The following COL28A1 variants were observed in gnomAD, a reference collection of about 807,000 sequenced individuals.
COL28A1 encodes the protein collagen type XXVIII alpha 1 chain.
In COL28A1, 161 loss-of-function variants were observed where a neutral mutation model predicts 150.2. That is an observed-to-expected ratio of 1.07 (90% CI 0.94 to 1.22). The LOEUF is 1.22. Ranked by LOEUF, COL28A1 falls within the 50% of genes most tolerant of loss-of-function variation. COL28A1 has a pLI of 0.00. For synonymous variants in COL28A1, 552 were observed against 469.7 expected (o/e 1.18, Z -2.26); for missense variants, 1,617 against 1,388.3 (o/e 1.16, Z -2.62).
intron 27 of COL28A1, among the ~76,000 whole-genome samples, chr7:7,417,039 T>A (rs1421103163): frequency 6.6e-6 from 1 of 151,960 alleles, no homozygotes; most frequent in Non-Finnish European, 1.5e-5. Context: ...AACCAGCTTA[T>A]GACGGGGGCA....
chr7:7,437,369 G>C (rs776178082), intron 22 of COL28A1, 25 bp downstream of exon 22: 15 of 1,593,438 alleles, frequency 9.4e-6, no homozygotes, highest in African/African-American at 5.4e-5. Flanking sequence ...TCAAGAAAAA[G>C]AAAATAATCT....
chr7:7,447,085 T>G (rs1461954846), intron 18 of COL28A1, among the ~76,000 whole-genome samples: 1 of 152,132 alleles, frequency 6.6e-6, no homozygotes, highest in Non-Finnish European at 1.5e-5. Context: ...ATTGGAGTTC[T>G]AAAAAGGGTC....
intron 21 of COL28A1, among the ~76,000 whole-genome samples, chr7:7,439,208 G>C (rs746493122): frequency 4.6e-5 from 7 of 152,148 alleles, no homozygotes; most frequent in Non-Finnish European, 8.8e-5. Flanking sequence ...CTTCAGAGCT[G>C]AAGCCTCCCG....
rs542560306 is a variant in COL28A1, at chr7:7,495,356, G to A, written c.1027-4710C>T. Among the ~76,000 whole-genome samples the A allele has an allele frequency of 2.2e-4, 34 of 152,292 alleles. 1 individual carries two copies. The South Asian group carries it at 6.6e-3, about 30-fold the overall frequency. ...ACCTTATTGGGCACTGCGGTTTAGA[G>A]TGATTAATGAGGTTGAAGGCTCAGG... On this transcript the variant is annotated intron_variant, in intron 11 of 34. Transcript: ENST00000399429.
chr7:7,462,562 A>G (rs896714548), intron 15 of COL28A1, among the ~76,000 whole-genome samples: 7 of 152,210 alleles, frequency 4.6e-5, no homozygotes, highest in Non-Finnish European at 1.0e-4. Context: ...ACATGGACAC[A>G]CTTACAGAAA....
intron 18 of COL28A1, 72 bp from the exon 19 acceptor site, chr7:7,444,561 A>T: frequency 1.4e-6 from 2 of 1,432,484 alleles, no homozygotes; most frequent in Non-Finnish European, 1.9e-6. Flanking sequence ...AATTGGATGT[A>T]TCTTACAGTG....
At chr7:7,367,161 T>C (rs1302722162) in intron 33 of COL28A1, among the ~76,000 whole-genome samples, 1 of 152,216 alleles carries the variant, frequency 6.6e-6, no homozygotes, top group Non-Finnish European at 1.5e-5. Context: ...AGTGATATGC[T>C]GTGCAGGTTT....
chr7:7,484,460 G>C (rs904345545), intron 13 of COL28A1, among the ~76,000 whole-genome samples: 2 of 152,028 alleles, frequency 1.3e-5, no homozygotes, highest in Admixed American at 1.3e-4. Context: ...AAGAAGAAAA[G>C]AGAAATTTAG....
intron 27 of COL28A1, among the ~76,000 whole-genome samples, chr7:7,392,983 C>T (rs1034664748): frequency 3.9e-5 from 6 of 151,984 alleles, no homozygotes; most frequent in South Asian, 2.1e-4. Context: ...TCTGTCAATT[C>T]GTTAAATTCA....
chr7:7,440,765 G>A (rs372100275), intron 21 of COL28A1, 25 bp downstream of exon 21: 84 of 1,043,890 alleles, frequency 8.0e-5, no homozygotes, highest in African/African-American at 2.1e-4. Context: ...TCCTCAAAGC[G>A]TAAGTCAGAA....
At chr7:7,435,222 G>A (rs1291465732) in intron 23 of COL28A1, among the ~76,000 whole-genome samples, 1 of 152,208 alleles carries the variant, frequency 6.6e-6, no homozygotes, top group Non-Finnish European at 1.5e-5. Flanking sequence ...AGTATATGTA[G>A]AGAGAGATGT....
chr7:7,374,038 AATATATAT>A (rs60964603), intron 31 of COL28A1, among the ~76,000 whole-genome samples: 3 of 113,624 alleles, frequency 2.6e-5, no homozygotes, highest in African/African-American at 1.1e-4. Flanking sequence ...AAAAAAAAAA[AATATATAT>A]ATATATATAT....
chr7:7,415,535 T>C (rs1404784605), intron 27 of COL28A1, among the ~76,000 whole-genome samples: 1 of 152,064 alleles, frequency 6.6e-6, no homozygotes, highest in Non-Finnish European at 1.5e-5. Context: ...TTTTTCTGGT[T>C]GTTTTGTTTG....
At chr7:7,408,826 CA>C (rs1277652769) in intron 27 of COL28A1, among the ~76,000 whole-genome samples, 1 of 152,128 alleles carries the variant, frequency 6.6e-6, no homozygotes, top group African/African-American at 2.4e-5. Context: ...CTCACATCTC[CA>C]TGTGTCAACT....
intron 30 of COL28A1, among the ~76,000 whole-genome samples, chr7:7,376,288 A>G (rs759450007): frequency 5.9e-5 from 9 of 152,236 alleles, no homozygotes; most frequent in Non-Finnish European, 1.0e-4. Flanking sequence ...AGTGGACCCA[A>G]TCTAAGAAAA....
At chr7:7,464,629 C>A (rs547545199) in intron 15 of COL28A1, among the ~76,000 whole-genome samples, 4 of 152,170 alleles carry the variant, frequency 2.6e-5, no homozygotes, top group East Asian at 1.9e-4. Flanking sequence ...AATAGTGACA[C>A]AACCTATGAA....
intron 32 of COL28A1, among the ~76,000 whole-genome samples, chr7:7,372,096 G>C (rs1247305709): frequency 6.6e-6 from 1 of 152,058 alleles, no homozygotes; most frequent in African/African-American, 2.4e-5. Flanking sequence ...ATTGTACAAT[G>C]AATTTTAAAA....
At chr7:7,500,998 A>G (rs1780491459) in intron 11 of COL28A1, among the ~76,000 whole-genome samples, 1 of 152,180 alleles carries the variant, frequency 6.6e-6, no homozygotes, top group Non-Finnish European at 1.5e-5. Context: ...TCTTTTGTCC[A>G]TTTGGGATGA....
chr7:7,412,412 A>G (rs1783842495), intron 27 of COL28A1, among the ~76,000 whole-genome samples: 1 of 152,134 alleles, frequency 6.6e-6, no homozygotes, highest in Non-Finnish European at 1.5e-5. Flanking sequence ...TTGGTATTGG[A>G]GCAATGTCTA....
Sources: gnomAD v4.1 joint callset for allele counts (sites outside exome capture counted in the v4.1 genomes callset) on GRCh38, gnomAD v4.1.1 for gene constraint, MANE v1.5 for transcripts, NCBI Gene and HGNC (gene_info 2026-07-23, HGNC 2026-07-21) for gene names.